Variants in BAZ1B observed in about 807,000 individuals in gnomAD.
BAZ1B encodes the protein bromodomain adjacent to zinc finger domain 1B.
BAZ1B carries 22 observed loss-of-function variants against 153.8 expected under a neutral mutation model. The observed-to-expected ratio is 0.14, with a 90% CI of 0.10 to 0.20. The LOEUF is 0.20. BAZ1B is among the 10% of genes least tolerant of loss of function. The pLI, the probability that BAZ1B is intolerant of heterozygous loss-of-function variation, is 1.00. For missense variants in BAZ1B, 1,325 were observed against 1,799.3 expected (o/e 0.74, Z 4.77); for synonymous variants, 676 against 633.4 (o/e 1.07, Z -1.01).
rs1788550718 is a variant in BAZ1B at position 73,465,514 on chromosome 7, T to A, written c.2996A>T (p.Glu999Val). Residue 999 changes from glutamate to valine, a missense_variant, in exon 11 of 20, where the codon GAG becomes GTG. Around this residue, in one of 9 missense-constraint regions of BAZ1B, gnomAD observed 431 missense variants for 563.5 expected, o/e 0.76. Coordinates refer to ENST00000339594, the MANE Select transcript of BAZ1B (RefSeq NM_032408.4). Reference sequence around the variant, plus strand: ...AAGACAGTTTAGCAACTCATCCAGCTCCTTTTGACTATCACATAAAAACCT... The same window carrying A: ...AAGACAGTTTAGCAACTCATCCAGCACCTTTTGACTATCACATAAAAACCT... ...NLWFLCDSQK[E>V]LDELLNCLHP... The A allele has an allele frequency of 7.5e-6, 12 of 1,608,466 alleles. No homozygotes were observed. Among genetic ancestry groups the A allele is most frequent in the Non-Finnish European group, 1.0e-5 (12 of 1,177,922 alleles).
chr7:73,488,117 T>C (rs1554574698), intron 6 of BAZ1B, among the ~76,000 whole-genome samples: 1 of 152,224 alleles, frequency 6.6e-6, no homozygotes, highest in African/African-American at 2.4e-5. Context: ...CTAGTTTTAA[T>C]GGATCAAGAG....
At chr7:73,466,501 C>T in intron 9 of BAZ1B, 100 bp from the exon 10 acceptor site, 2 of 710,888 alleles carry the variant, frequency 2.8e-6, no homozygotes, top group Non-Finnish European at 5.0e-6. Context: ...TTTGTAACAA[C>T]ACAGATACTT....
chr7:73,461,718 G>T (rs542788583), intron 12 of BAZ1B, among the ~76,000 whole-genome samples: 2 of 152,240 alleles, frequency 1.3e-5, no homozygotes, highest in African/African-American at 2.4e-5. Context: ...TAAAATAGTT[G>T]AAAAGTACTT....
intron 1 of BAZ1B, among the ~76,000 whole-genome samples, chr7:73,512,028 CAAAAAA>C (rs1168749967): frequency 3.5e-4 from 12 of 34,748 alleles, no homozygotes; most frequent in African/African-American, 1.2e-3. Context: ...AACTCCACCT[CAAAAAA>C]AAAAAAAAAA....
At chr7:73,458,445 G>C (rs531273146) in intron 13 of BAZ1B, among the ~76,000 whole-genome samples, 92 of 152,272 alleles carry the variant, frequency 6.0e-4, no homozygotes, top group Non-Finnish European at 1.2e-3. Flanking sequence ...GGAGGCTGAG[G>C]TGGGCAGATG....
rs887339846 is a variant in BAZ1B, at chr7:73,498,388, T to A, written c.571+109A>T. 8 of 1,014,684 alleles carry A rather than the reference T, an allele frequency of 7.9e-6. No individual in the cohort carries two copies. In the Admixed American group the frequency reaches 1.7e-4, roughly 21 times the overall value. The allele number at this position is 1,014,684 out of a possible 1,614,324, so 62.9% of individuals were successfully genotyped here. A position where few individuals can be genotyped will look rare whatever the true frequency, so the allele number is the denominator to read the frequency against. On this transcript the variant is annotated intron_variant, in intron 4 of 19. Coordinates refer to ENST00000339594, the MANE Select transcript of BAZ1B (RefSeq NM_032408.4). ...TGAATCATAAATGAACAAAATCATG[T>A]CTACATAAAAAATCACACATTTAGT...
In BAZ1B at chr7:73,522,164, C is replaced by G; in HGVS notation, c.-231G>C. 1 of 396,356 alleles carries G rather than the reference C, an allele frequency of 2.5e-6. No individual in the cohort carries two copies. Among genetic ancestry groups the G allele is most frequent in the Non-Finnish European group, 4.4e-6 (1 of 224,980 alleles). The allele number at this position is 396,356 out of a possible 1,614,324, so 24.6% of individuals were successfully genotyped here. The stretch of plus-strand genomic sequence containing the variant: ...CGCACACCGCCGCGCCTCCCAGCAG[C>G]CCCCCGCCGACCTCCGCTTCGGGTC... On this transcript the variant is annotated 5_prime_UTR_variant, in exon 1 of 20. Coordinates refer to ENST00000339594, the MANE Select transcript of BAZ1B (RefSeq NM_032408.4).
At position 73,445,390 on chromosome 7, in the gene BAZ1B, T is replaced by C. The variant is rs140602947; in HGVS notation, c.3845-1261A>G. Among the ~76,000 whole-genome samples the C allele has an allele frequency of 3.4e-3, 525 of 152,228 alleles. 9 individuals are homozygous for C. Among genetic ancestry groups the C allele is most frequent in the African/African-American group, 0.012 (505 of 41,496 alleles). On this transcript the variant is annotated intron_variant, in intron 16 of 19. Transcript: ENST00000339594. ...GAGCTGCACTGGGGAACCACATCTT[T>C]GGTGGTCTGAAAGATAGAGTTGACA...
chr7:73,522,070 C>G lies in BAZ1B; in HGVS notation c.-137G>C. On this transcript the variant is annotated 5_prime_UTR_variant, in exon 1 of 20. Coordinates refer to ENST00000339594, the MANE Select transcript of BAZ1B (RefSeq NM_032408.4). The stretch of plus-strand genomic sequence containing the variant: ...GAGGGGTGAGAGGGCGGCGCGAACT[C>G]CGGCTCCCTCACCGCCGGCGCGGCC... 3.7e-6 allele frequency: 2 copies of G among 537,070 alleles called. No individual in the cohort carries two copies. The highest frequency in any genetic ancestry group is 4.4e-5 in the Admixed American group (1 of 22,674). The allele number at this position is 537,070 out of a possible 1,614,324, so 33.3% of individuals were successfully genotyped here.
chr7:73,470,210 C>T lies in BAZ1B; in HGVS notation c.2732+135G>A, dbSNP rs185585724. 8.0e-5 allele frequency: 84 copies of T among 1,048,890 alleles called. No homozygotes were observed. In the African/African-American group the frequency reaches 1.3e-3, roughly 16 times the overall value. 65.0% of individuals were successfully genotyped at this position (1,048,890 alleles called of 1,614,324 possible). On this transcript the variant is annotated intron_variant, in intron 8 of 19. Transcript: ENST00000339594. ...TTGGCAGTTAATATTCAATAATCATCAACAATTCTGTTTCCAAAAAGAATT... is the reference window on the plus strand; with the variant it reads ...TTGGCAGTTAATATTCAATAATCATTAACAATTCTGTTTCCAAAAAGAATT...
chr7:73,442,139 CTCCCACCCTCCCTAGCTGT>C, intron 19 of BAZ1B, 23 bp downstream of exon 19: 1 of 598,502 alleles, frequency 1.7e-6, no homozygotes, highest in East Asian at 2.9e-5. Context: ...GCTCGCCTCC[CTCCCACCCTCCCTAGCTGT>C]CCCCCCACCT....
intron 2 of BAZ1B, 119 bp downstream of exon 2, chr7:73,510,617 G>A: frequency 1.1e-6 from 1 of 945,414 alleles, no homozygotes; most frequent in Non-Finnish European, 1.7e-6. Context: ...GTACACTAAT[G>A]TAATATAGTC....
chr7:73,520,508 A>G (rs73134978), intron 1 of BAZ1B, among the ~76,000 whole-genome samples: 9,663 of 150,918 alleles, frequency 0.064, 401 homozygotes, highest in Middle Eastern at 0.12. Flanking sequence ...CAACAAGTCA[A>G]CCTCCACTCT....
rs571189406 is a variant in BAZ1B, at chr7:73,477,868, G to C, written c.1593C>G (p.His531Gln). ...CAGACATAGAAGCCCACCTCTTTTT[G>C]TGCTCTAGAAGTTCATAGCGTTTTT... ...LVQKRYELLE[H>Q]KKRWASMSEE... Residue 531 changes from histidine (H) to glutamine (Q), a missense_variant, in exon 7 of 20, where the codon CAC becomes CAG. Transcript: ENST00000339594. The surrounding 1 kb of genome is among the most constrained non-coding windows in gnomAD (Gnocchi z 5.6). 3.1e-6 allele frequency: 5 copies of C among 1,613,430 alleles called. No homozygotes were observed. The South Asian group carries it at 3.3e-5, about 11-fold the overall frequency.
Position 73,440,996 on chromosome 7 carries a change from C to G in BAZ1B, c.*713G>C, listed in dbSNP as rs1258572345. The G allele has an allele frequency of 2.0e-5, 3 of 152,516 alleles. No homozygotes were observed. The highest frequency in any genetic ancestry group is 2.1e-4 in the South Asian group (1 of 4,826). The allele number at this position is 152,516 out of a possible 1,614,324, so 9.4% of individuals were successfully genotyped here. A position where few individuals can be genotyped will look rare whatever the true frequency, so the allele number is the denominator to read the frequency against. ...GGGCTCTCAGAGCTTCTCTGCCGCTCTCTCCTCCCACCCCCCACCGACACT... is the reference window on the plus strand; with the variant it reads ...GGGCTCTCAGAGCTTCTCTGCCGCTGTCTCCTCCCACCCCCCACCGACACT... On this transcript the variant is annotated 3_prime_UTR_variant, in exon 20 of 20. Coordinates refer to ENST00000339594, the MANE Select transcript of BAZ1B (RefSeq NM_032408.4).
At chr7:73,446,705 G>T (rs1313712649) in intron 16 of BAZ1B, among the ~76,000 whole-genome samples, 1 of 152,116 alleles carries the variant, frequency 6.6e-6, no homozygotes, top group Admixed American at 6.6e-5. Context: ...CACAAAAGAT[G>T]ATGCCTTTTT....
At chr7:73,483,457 T>C (rs1305680452) in intron 6 of BAZ1B, among the ~76,000 whole-genome samples, 1 of 152,226 alleles carries the variant, frequency 6.6e-6, no homozygotes, top group African/African-American at 2.4e-5. Context: ...AATAGTGGGC[T>C]TTTCTCAATT....
At chr7:73,464,179 T>G in intron 11 of BAZ1B, 1 of 984,874 alleles carries the variant, frequency 1.0e-6, no homozygotes, top group South Asian at 4.7e-5. Flanking sequence ...CATATTTTCC[T>G]TCTCTCTTCC....
chr7:73,503,379 C>CT (rs782002940), intron 3 of BAZ1B, among the ~76,000 whole-genome samples: 8 of 151,866 alleles, frequency 5.3e-5, no homozygotes, highest in African/African-American at 1.4e-4. Flanking sequence ...TCCCTTTCCT[C>CT]TTTTTTTTGT....
Sources: gnomAD v4.1 joint callset for allele counts (sites outside exome capture counted in the v4.1 genomes callset) on GRCh38, gnomAD v4.1.1 for gene constraint, gnomAD v4.1.1 regional missense constraint, Gnocchi (gnomAD v3.1) non-coding constraint, MANE v1.5 for transcripts, NCBI Gene and HGNC (gene_info 2026-07-23, HGNC 2026-07-21) for gene names.